The following DIAPH2 variants were observed in gnomAD, a reference collection of about 807,000 sequenced individuals.
DIAPH2 encodes the protein protein diaphanous homolog 2.
Under a neutral mutation model 92.7 loss-of-function variants are expected in DIAPH2, and 35 were observed. The observed-to-expected ratio is 0.38, with a 90% CI of 0.29 to 0.50. DIAPH2 has a LOEUF of 0.50. DIAPH2 is among the 20% of genes least tolerant of loss of function. The pLI is 0.94. For missense variants in DIAPH2, 701 were observed against 819.5 expected (o/e 0.86, Z 1.77); for synonymous variants, 301 against 280.4 (o/e 1.07, Z -0.73).
intron 17 of DIAPH2, among the ~76,000 whole-genome samples, chrX:96,988,290 T>A (rs2066045876): frequency 9.0e-6 from 1 of 110,710 alleles, no homozygotes; most frequent in South Asian, 3.8e-4. Flanking sequence ...AGTAATATGA[T>A]GGGAAAGTAC....
intron 4 of DIAPH2, among the ~76,000 whole-genome samples, chrX:96,863,934 G>A (rs1174566513): frequency 9.1e-6 from 1 of 110,393 alleles, no homozygotes; most frequent in East Asian, 2.8e-4. Flanking sequence ...ATGGTGGTGC[G>A]CACCTATTGT....
intron 17 of DIAPH2, among the ~76,000 whole-genome samples, chrX:97,071,551 T>C (rs757123143): frequency 9.0e-6 from 1 of 111,479 alleles, no homozygotes; most frequent in South Asian, 3.8e-4. Flanking sequence ...GCCAGTCTGG[T>C]AAAATTTAGC....
intron 26 of DIAPH2, among the ~76,000 whole-genome samples, chrX:97,531,185 T>C (rs1227789713): frequency 9.0e-6 from 1 of 111,503 alleles, no homozygotes; most frequent in East Asian, 2.8e-4. Context: ...TAGAGATAGG[T>C]TGTATTGTTC....
chrX:96,976,303 C>A, intron 17 of DIAPH2, among the ~76,000 whole-genome samples: 1 of 106,891 alleles, frequency 9.4e-6, no homozygotes, highest in Non-Finnish European at 1.9e-5. Context: ...AAAAAAAAAA[C>A]AAGAAATAGG....
At chrX:96,885,367 T>C in intron 5 of DIAPH2, 1 of 225,045 alleles carries the variant, frequency 4.4e-6, no homozygotes, top group Non-Finnish European at 8.1e-6. Context: ...CTACAGAAAA[T>C]GTAGAAATTT....
At chrX:96,705,751 C>G (rs1196178993) in intron 1 of DIAPH2, among the ~76,000 whole-genome samples, 1 of 112,007 alleles carries the variant, frequency 8.9e-6, no homozygotes, top group Admixed American at 9.5e-5. Flanking sequence ...TGTAGATTCC[C>G]TTTCTCACAG....
At chrX:96,701,111 G>A (rs1458299320) in intron 1 of DIAPH2, among the ~76,000 whole-genome samples, 1 of 111,460 alleles carries the variant, frequency 9.0e-6, no homozygotes, top group Non-Finnish European at 1.9e-5. Context: ...CCTACTTGAA[G>A]GTGACATGAT....
chrX:97,261,125 C>G (rs750139112), intron 23 of DIAPH2, among the ~76,000 whole-genome samples: 214 of 112,271 alleles, frequency 1.9e-3, no homozygotes, highest in African/African-American at 6.7e-3. Context: ...TTATAAAAAC[C>G]TGGCATATCT....
chrX:96,787,396 GA>G (rs1397952270), intron 4 of DIAPH2, among the ~76,000 whole-genome samples: 1 of 110,743 alleles, frequency 9.0e-6, no homozygotes, highest in East Asian at 2.8e-4. Context: ...AATCATGGGT[GA>G]TTTTTTTAAG....
At chrX:96,978,375 C>T (rs886309303) in intron 17 of DIAPH2, among the ~76,000 whole-genome samples, 1 of 110,188 alleles carries the variant, frequency 9.1e-6, no homozygotes, top group Non-Finnish European at 1.9e-5. Flanking sequence ...ATCATTATTA[C>T]AGTAATCACT....
intron 23 of DIAPH2, among the ~76,000 whole-genome samples, chrX:97,265,934 A>C (rs1012725369): frequency 8.0e-5 from 9 of 111,901 alleles, no homozygotes; most frequent in Non-Finnish European, 1.5e-4. Context: ...TTAAATGTTT[A>C]CTGTTAATTC....
At chrX:97,577,365 T>G (rs900576481) in intron 26 of DIAPH2, among the ~76,000 whole-genome samples, 1 of 112,400 alleles carries the variant, frequency 8.9e-6, no homozygotes, top group African/African-American at 3.2e-5. Flanking sequence ...AGAAAGCTAA[T>G]AAAGAGGTAG....
chrX:96,815,332 C>T (rs2064723891), intron 4 of DIAPH2, among the ~76,000 whole-genome samples: 1 of 111,858 alleles, frequency 8.9e-6, no homozygotes, highest in African/African-American at 3.3e-5. Flanking sequence ...ACCCACCGAG[C>T]CAGGCGCGGG....
chrX:96,941,054 A>C lies in DIAPH2; in HGVS notation c.1326-964A>C, dbSNP rs2065701091. ...TCTAGACCCGAAGATGACTTGAAAA[A>C]AACCAGATTTGTAATATGTATTACT... On this transcript the variant is annotated intron_variant, in intron 12 of 26. Transcript: ENST00000324765. Among the ~76,000 whole-genome samples, 3 of 111,761 alleles carry C rather than the reference A, an allele frequency of 2.7e-5. No individual in the cohort carries two copies. In the South Asian group the frequency reaches 1.1e-3, roughly 42 times the overall value.
intron 22 of DIAPH2, among the ~76,000 whole-genome samples, chrX:97,245,088 T>A (rs12392855): frequency 9.5e-5 from 9 of 94,619 alleles, no homozygotes; most frequent in African/African-American, 2.2e-4. Flanking sequence ...AGACTCCGTC[T>A]AAAAAAAAAA....
chrX:96,715,122 GT>G (rs932463106), intron 1 of DIAPH2, among the ~76,000 whole-genome samples: 3 of 112,111 alleles, frequency 2.7e-5, no homozygotes, highest in Non-Finnish European at 5.6e-5. Flanking sequence ...GAATTAGAGA[GT>G]TCTGTATCTT....
chrX:97,452,169 C>T (rs1231803080), intron 26 of DIAPH2, among the ~76,000 whole-genome samples: 5 of 110,598 alleles, frequency 4.5e-5, no homozygotes, highest in East Asian at 2.8e-4. Context: ...AAAAAAGAAA[C>T]GAATATAGTC....
chrX:97,565,904 C>T (rs1328114855), intron 26 of DIAPH2, among the ~76,000 whole-genome samples: 1 of 112,296 alleles, frequency 8.9e-6, no homozygotes, highest in African/African-American at 3.2e-5. Context: ...TTCCATTCAT[C>T]TTGCATGTGT....
intron 21 of DIAPH2, among the ~76,000 whole-genome samples, chrX:97,115,427 T>A (rs5966982): frequency 0.043 from 4,722 of 110,461 alleles, 244 homozygotes; most frequent in African/African-American, 0.14. Context: ...TCCCAGCTAC[T>A]CTGGAGGCTG....
Sources: allele counts gnomAD v4.1 joint callset (sites outside exome capture counted in the v4.1 genomes callset), GRCh38; gene constraint gnomAD v4.1.1; transcripts MANE v1.5; gene names NCBI Gene and HGNC (gene_info 2026-07-23, HGNC 2026-07-21).